MAF: variants seen among roughly 807,000 people sequenced by gnomAD.
MAF encodes transcription factor Maf.
A neutral mutation model predicts 22.0 loss-of-function variants in MAF; 10 were observed. The ratio of observed to expected loss-of-function variants is 0.45; its 90% confidence interval spans 0.28 to 0.77. The LOEUF is 0.77. Ranked by LOEUF, MAF falls within the 30% of genes least tolerant of loss-of-function variation. The probability of loss-of-function intolerance (pLI) is 0.12; values close to 1 mark genes in which losing one functional copy is unlikely to be tolerated. For synonymous variants in MAF, 337 were observed against 255.8 expected (o/e 1.32, Z -3.03); for missense variants, 544 against 548.4 (o/e 0.99, Z 0.08).
chr16:79,289,867 T>TTTTTTTTCTTTC, the MAF span, among the ~76,000 whole-genome samples: 1 of 118,510 alleles, frequency 8.4e-6, no homozygotes, highest in South Asian at 2.5e-4. Context: ...TTTTTTTTTT[T>TTTTTTTTCTTTC]TGTGAGACGG....
the MAF span, among the ~76,000 whole-genome samples, chr16:79,574,493 C>G: frequency 3.9e-5 from 6 of 152,170 alleles, no homozygotes; most frequent in Admixed American, 6.5e-5. Context: ...ATTCTAACAC[C>G]TCAAAATCGT....
the MAF span, among the ~76,000 whole-genome samples, chr16:79,476,794 C>G: frequency 6.6e-6 from 1 of 152,176 alleles, no homozygotes; most frequent in Non-Finnish European, 1.5e-5. Context: ...TCACCCATTA[C>G]CTGGGTAACC....
the MAF span, among the ~76,000 whole-genome samples, chr16:79,486,736 G>C: frequency 6.6e-6 from 1 of 152,182 alleles, no homozygotes; most frequent in African/African-American, 2.4e-5. Flanking sequence ...TTGACCACTA[G>C]CTTTCCTCTG....
chr16:79,241,247 G>A, the MAF span, among the ~76,000 whole-genome samples: 2 of 152,054 alleles, frequency 1.3e-5, no homozygotes, highest in African/African-American at 4.8e-5. Flanking sequence ...ACTTCACCGA[G>A]CTAAAGGAGC....
At chr16:79,266,768 G>A in the MAF span, among the ~76,000 whole-genome samples, 1 of 152,168 alleles carries the variant, frequency 6.6e-6, no homozygotes, top group East Asian at 1.9e-4. Flanking sequence ...TACTATGTGA[G>A]ACACAGGATA....
At chr16:79,300,730 A>G in the MAF span, among the ~76,000 whole-genome samples, 2 of 151,766 alleles carry the variant, frequency 1.3e-5, no homozygotes, top group African/African-American at 4.8e-5. Flanking sequence ...AAAAAAATTC[A>G]TTTAATTTAT....
At chr16:79,211,910 G>A in the MAF span, 2 of 1,549,438 alleles carry the variant, frequency 1.3e-6, no homozygotes, top group African/African-American at 2.7e-5. Context: ...CAAGAGTAAA[G>A]GAAATAAGAG....
chr16:79,373,498 T>C, the MAF span, among the ~76,000 whole-genome samples: 55 of 148,092 alleles, frequency 3.7e-4, no homozygotes, highest in East Asian at 0.01. Context: ...CTCTCCTGCC[T>C]CAGCCTCCCA....
chr16:79,252,707 C>T, the MAF span, among the ~76,000 whole-genome samples: 1 of 152,110 alleles, frequency 6.6e-6, no homozygotes, highest in Non-Finnish European at 1.5e-5. Context: ...CCAGGCTGGC[C>T]TTGAACTCCT....
At chr16:79,302,356 T>C in the MAF span, among the ~76,000 whole-genome samples, 2 of 152,210 alleles carry the variant, frequency 1.3e-5, no homozygotes, top group Non-Finnish European at 2.9e-5. Flanking sequence ...AGAAAGCTTT[T>C]AATTAGCCCA....
chr16:79,324,134 A>G, the MAF span, among the ~76,000 whole-genome samples: 2 of 152,214 alleles, frequency 1.3e-5, no homozygotes, highest in African/African-American at 2.4e-5. Flanking sequence ...CTGACAATTT[A>G]CTTTAAATTC....
chr16:79,481,853 G>A, the MAF span, among the ~76,000 whole-genome samples: 1 of 152,176 alleles, frequency 6.6e-6, no homozygotes, highest in African/African-American at 2.4e-5. Flanking sequence ...ATCTGGGTAG[G>A]GGAGACAGTC....
chr16:79,545,059 C>T, the MAF span, among the ~76,000 whole-genome samples: 1 of 152,098 alleles, frequency 6.6e-6, no homozygotes, highest in African/African-American at 2.4e-5. Flanking sequence ...CACCACTTTC[C>T]AAGAAGACAC....
chr16:79,243,614 C>A, the MAF span, among the ~76,000 whole-genome samples: 31 of 152,000 alleles, frequency 2.0e-4, 1 homozygote, highest in Admixed American at 1.5e-3. Context: ...CAGAGGGATT[C>A]AAAGCCGAAT....
At chr16:79,207,338 C>T in the MAF span, among the ~76,000 whole-genome samples, 33 of 152,352 alleles carry the variant, frequency 2.2e-4, no homozygotes, top group South Asian at 1.4e-3. Context: ...ATGTGTCTTT[C>T]CTTTTAGCCA....
chr16:79,344,548 A>G, the MAF span, among the ~76,000 whole-genome samples: 119 of 152,332 alleles, frequency 7.8e-4, no homozygotes, highest in African/African-American at 2.8e-3. Context: ...AAAGATAGAT[A>G]GGTTTCCACG....
At chr16:79,476,654 C>T in the MAF span, among the ~76,000 whole-genome samples, 23 of 152,162 alleles carry the variant, frequency 1.5e-4, no homozygotes, top group South Asian at 4.2e-4. Context: ...GTTGTGAGGG[C>T]GAAAAGGAGC....
At chr16:79,449,543 G>A in the MAF span, among the ~76,000 whole-genome samples, 1 of 152,112 alleles carries the variant, frequency 6.6e-6, no homozygotes, top group African/African-American at 2.4e-5. Context: ...ACCTCTTTCT[G>A]CATGCATGCA....
chr16:79,454,661 C>A, the MAF span, among the ~76,000 whole-genome samples: 1 of 152,118 alleles, frequency 6.6e-6, no homozygotes, highest in African/African-American at 2.4e-5. Flanking sequence ...TGGCCAGATC[C>A]CTACACACCT....
Sources: allele counts gnomAD v4.1 joint callset (sites outside exome capture counted in the v4.1 genomes callset), GRCh38; gene constraint gnomAD v4.1.1; transcripts MANE v1.5; gene names NCBI Gene and HGNC (gene_info 2026-07-23, HGNC 2026-07-21).